The following TRMT11 variants were observed in gnomAD, a reference collection of about 807,000 sequenced individuals.
TRMT11 encodes the protein tRNA methyltransferase 11, also known as tRNA (guanine(10)-N(2))-methyltransferase TRMT11.
In TRMT11, 53 loss-of-function variants were observed where a neutral mutation model predicts 62.8. The observed-to-expected ratio is 0.84, with a 90% confidence interval of 0.68 to 1.06. The LOEUF is 1.06. Among genes scored for constraint, TRMT11 ranks in the 50% least tolerant of loss-of-function variants. The probability of loss-of-function intolerance (pLI) is 0.00; values close to 1 mark genes in which losing one functional copy is unlikely to be tolerated. For synonymous variants in TRMT11, 188 were observed against 190.3 expected, an observed-to-expected ratio of 0.99 and a Z score of 0.10; for missense variants, 556 against 553.4, an observed-to-expected ratio of 1.00 and a Z score of -0.05.
chr6:126,093,585 G>GTGTATATATATATATATATATATA (rs1313520779), intron 17 of TRMT11, among the ~76,000 whole-genome samples: 3 of 46,666 alleles, frequency 6.4e-5, no homozygotes, highest in Non-Finnish European at 7.5e-5. Flanking sequence ...GGATATGTAT[G>GTGTATATATATATATATATATATA]TATATATATA....
intron 1 of TRMT11, among the ~76,000 whole-genome samples, chr6:126,184,160 A>T (rs1778500373): frequency 6.6e-6 from 1 of 152,252 alleles, no homozygotes; most frequent in Non-Finnish European, 1.5e-5. Context: ...TGATTACCTT[A>T]TGAAGCACAG....
intron 21 of TRMT11, among the ~76,000 whole-genome samples, chr6:126,117,174 G>A (rs1777599302): frequency 6.6e-6 from 1 of 152,080 alleles, no homozygotes; most frequent in Admixed American, 6.6e-5. Context: ...TAGCCAGTGT[G>A]TTGAGGGGAA....
chr6:126,114,488 T>C (rs1369228443), intron 18 of TRMT11, among the ~76,000 whole-genome samples: 1 of 152,112 alleles, frequency 6.6e-6, no homozygotes, highest in Non-Finnish European at 1.5e-5. Context: ...ATTAGGTTTT[T>C]GCATGACCCA....
chr6:126,056,905 C>G (rs867616106), intron 17 of TRMT11, among the ~76,000 whole-genome samples: 3 of 152,110 alleles, frequency 2.0e-5, no homozygotes, highest in African/African-American at 7.2e-5. Flanking sequence ...TCCACCTGGC[C>G]CCAAAGCTGT....
chr6:126,170,440 A>G (rs1487110410), intron 21 of TRMT11, among the ~76,000 whole-genome samples: 1 of 152,062 alleles, frequency 6.6e-6, no homozygotes, highest in Non-Finnish European at 1.5e-5. Flanking sequence ...TGTTCTTTCC[A>G]TATGTCAGCT....
At chr6:126,061,924 C>T (rs1776546397) in intron 17 of TRMT11, among the ~76,000 whole-genome samples, 1 of 152,190 alleles carries the variant, frequency 6.6e-6, no homozygotes, top group African/African-American at 2.4e-5. Flanking sequence ...CTTCTCTCAC[C>T]CAGGCTGGAG....
At chr6:126,225,685 A>ATTTTTTTTTTTTTT in the TRMT11 span, among the ~76,000 whole-genome samples, 5 of 95,280 alleles carry the variant, frequency 5.2e-5, no homozygotes, top group Non-Finnish European at 7.9e-5. Context: ...TATGTTTACT[A>ATTTTTTTTTTTTTT]TTTTTTTTTT....
chr6:126,254,875 TA>T, the TRMT11 span, among the ~76,000 whole-genome samples: 24 of 151,128 alleles, frequency 1.6e-4, no homozygotes, highest in East Asian at 7.8e-4. Flanking sequence ...TCAAAAAACA[TA>T]AAAAAAAACA....
At position 125,999,553 on chromosome 6, in the gene TRMT11, A is replaced by G. The variant is rs756829933; in HGVS notation, c.619A>G (p.Met207Val). Residue 207 changes from methionine to valine, a missense_variant, in exon 7 of 13, where the codon ATG becomes GTG. Physicochemically the swap from Met to Val is conservative, Grantham distance 21. Coordinates refer to ENST00000334379, the MANE Select transcript of TRMT11 (RefSeq NM_001031712.3). Reference protein sequence around the residue: ...TSMDAGLSFIMANHGKVKEND... With the variant: ...TSMDAGLSFIVANHGKVKEND... ...TATGGATGCTGGTTTGTCATTCATT[A>G]TGGCTAACCATGGAAAAGTGAAAGA... 5.0e-6 allele frequency: 8 copies of G among 1,612,330 alleles called. No individual in the cohort carries two copies. The highest frequency in any genetic ancestry group is 3.3e-5 in the Admixed American group (2 of 59,914).
chr6:125,996,275 T>C (rs1256049532), intron 3 of TRMT11, among the ~76,000 whole-genome samples: 1 of 152,238 alleles, frequency 6.6e-6, no homozygotes, highest in Non-Finnish European at 1.5e-5. Flanking sequence ...AAAACTTCCG[T>C]ATTATGCGGG....
At chr6:126,160,753 T>C (rs1339761053) in intron 21 of TRMT11, among the ~76,000 whole-genome samples, 2 of 152,144 alleles carry the variant, frequency 1.3e-5, no homozygotes, top group Non-Finnish European at 2.9e-5. Context: ...CACTCTGACC[T>C]CATATGCTTT....
intron 21 of TRMT11, among the ~76,000 whole-genome samples, chr6:126,129,140 C>G (rs1012787431): frequency 6.6e-6 from 1 of 152,058 alleles, no homozygotes; most frequent in African/African-American, 2.4e-5. Context: ...TTTCTAGCCC[C>G]TGCCAACTCT....
chr6:126,229,471 A>T, the TRMT11 span, among the ~76,000 whole-genome samples: 1 of 152,290 alleles, frequency 6.6e-6, no homozygotes. Flanking sequence ...ATGGGCAGTC[A>T]TTGTAATCAC....
intron 17 of TRMT11, among the ~76,000 whole-genome samples, chr6:126,058,948 G>A (rs575376725): frequency 4.3e-4 from 66 of 152,164 alleles, no homozygotes; most frequent in African/African-American, 1.4e-3. Context: ...AGGCCTAGGA[G>A]CCTGCCTTGG....
At chr6:126,082,019 A>G (rs1777163795) in intron 17 of TRMT11, among the ~76,000 whole-genome samples, 1 of 152,118 alleles carries the variant, frequency 6.6e-6, no homozygotes, top group Non-Finnish European at 1.5e-5. Context: ...TAACCATGGG[A>G]CACCAAGATA....
the TRMT11 span, among the ~76,000 whole-genome samples, chr6:126,225,594 T>C: frequency 1.3e-5 from 2 of 152,024 alleles, no homozygotes; most frequent in African/African-American, 2.4e-5. Flanking sequence ...TCAAATGTTA[T>C]CCTCAAACAT....
chr6:126,223,732 G>C, the TRMT11 span, among the ~76,000 whole-genome samples: 1 of 152,064 alleles, frequency 6.6e-6, no homozygotes, highest in Non-Finnish European at 1.5e-5. Context: ...AAATTTTTAC[G>C]GACAGTATCC....
At chr6:126,178,382 C>T (rs1057145915) in intron 1 of TRMT11, among the ~76,000 whole-genome samples, 3 of 152,136 alleles carry the variant, frequency 2.0e-5, no homozygotes, top group African/African-American at 7.2e-5. Flanking sequence ...ATGGGACTGG[C>T]CTTGCAGCTT....
intron 17 of TRMT11, among the ~76,000 whole-genome samples, chr6:126,066,427 C>G (rs868725100): frequency 1.3e-5 from 2 of 152,180 alleles, no homozygotes; most frequent in African/African-American, 4.8e-5. Context: ...TTGGGAAGGG[C>G]GCTCTTTGTT....
Sources: allele counts gnomAD v4.1 joint callset (sites outside exome capture counted in the v4.1 genomes callset), GRCh38; gene constraint gnomAD v4.1.1; transcripts MANE v1.5; gene names NCBI Gene and HGNC (gene_info 2026-07-23, HGNC 2026-07-21).